The following ALK variants were observed in gnomAD, a reference collection of about 807,000 sequenced individuals.
ALK encodes ALK tyrosine kinase receptor.
ALK carries 74 observed loss-of-function variants against 163.1 expected under a neutral mutation model. The observed-to-expected ratio is 0.45, with a 90% CI of 0.38 to 0.55. The LOEUF is 0.55. ALK is among the 20% of genes least tolerant of loss of function. The pLI, the probability that ALK is intolerant of heterozygous loss-of-function variation, is 0.00. For synonymous variants in ALK, 960 were observed against 843.2 expected (o/e 1.14, Z -2.40); for missense variants, 2,063 against 2,105.3 (o/e 0.98, Z 0.39).
At chr2:29,679,355 C>T (rs1005720922) in intron 3 of ALK, among the ~76,000 whole-genome samples, 1 of 151,684 alleles carries the variant, frequency 6.6e-6, no homozygotes, top group East Asian at 1.9e-4. Context: ...TATCTTTCTT[C>T]CTTTTTTTTC....
At chr2:29,429,435 T>A (rs780749702) in intron 4 of ALK, among the ~76,000 whole-genome samples, 3 of 152,030 alleles carry the variant, frequency 2.0e-5, no homozygotes, top group Non-Finnish European at 4.4e-5. Flanking sequence ...TATATTTCTA[T>A]AAAGTGGCAA....
intron 1 of ALK, among the ~76,000 whole-genome samples, chr2:29,747,857 C>A (rs568293545): frequency 6.6e-6 from 1 of 152,126 alleles, no homozygotes; most frequent in African/African-American, 2.4e-5. Flanking sequence ...TCAAGCTTTC[C>A]CTTCTAAAGT....
At chr2:29,512,471 TA>T (rs1382452647) in intron 4 of ALK, among the ~76,000 whole-genome samples, 3 of 149,172 alleles carry the variant, frequency 2.0e-5, no homozygotes, top group Non-Finnish European at 4.4e-5. Context: ...AAACTCTCAA[TA>T]AATTAGGAAT....
intron 3 of ALK, among the ~76,000 whole-genome samples, chr2:29,648,689 TCACTC>T (rs1676954215): frequency 6.6e-6 from 1 of 152,202 alleles, no homozygotes; most frequent in Non-Finnish European, 1.5e-5. Flanking sequence ...CACTTTCAAT[TCACTC>T]CACTACTTTC....
At chr2:29,348,249 A>T (rs944010008) in intron 5 of ALK, among the ~76,000 whole-genome samples, 3 of 152,170 alleles carry the variant, frequency 2.0e-5, no homozygotes, top group Non-Finnish European at 2.9e-5. Flanking sequence ...ACCCAGCCAG[A>T]TTGTCCCCCA....
chr2:29,701,508 A>C (rs192084039), intron 2 of ALK, among the ~76,000 whole-genome samples: 182 of 152,306 alleles, frequency 1.2e-3, no homozygotes, highest in Middle Eastern at 3.4e-3. Flanking sequence ...GAAGAGTCAT[A>C]AAAAAGAGAA....
chr2:29,607,813 C>T (rs781239461), intron 3 of ALK, among the ~76,000 whole-genome samples: 2 of 152,132 alleles, frequency 1.3e-5, no homozygotes, highest in African/African-American at 2.4e-5. Flanking sequence ...CTCTGGTCAT[C>T]TCATCCTGTC....
intron 3 of ALK, among the ~76,000 whole-genome samples, chr2:29,622,608 A>G (rs538650192): frequency 6.6e-6 from 1 of 152,168 alleles, no homozygotes; most frequent in Admixed American, 6.5e-5. Context: ...TTGAAAAATC[A>G]TAACTTTACA....
At chr2:29,488,033 C>T (rs761546757) in intron 4 of ALK, among the ~76,000 whole-genome samples, 2 of 151,978 alleles carry the variant, frequency 1.3e-5, no homozygotes, top group African/African-American at 2.4e-5. Flanking sequence ...CACATATGCA[C>T]GTGCACACAG....
At position 29,209,810 on chromosome 2, in the gene ALK, A is replaced by T. The variant is rs1348950153; in HGVS notation, c.3812T>A (p.Phe1271Tyr). The change falls in exon 25 of 29, where the codon TTC (phenylalanine) becomes TAC (tyrosine). Residue 1271 changes from phenylalanine to tyrosine, a missense_variant. By Grantham distance (22) the Phe-to-Tyr change is conservative (BLOSUM62 3). This residue lies in a region of ALK where 83 missense variants were observed against 139.7 expected (regional missense o/e 0.59). Transcript: ENST00000389048. ...GPGRVAKIGD[F>Y]GMARDIYRAS... ...CCTGTAGATGTCTCGGGCCATCCCG[A>T]AGTCTCCAATCTTGGCCACTCTTCC... is the stretch of plus-strand genomic sequence containing the variant. 6 of 1,614,014 alleles carry T rather than the reference A, an allele frequency of 3.7e-6. No individual in the cohort carries two copies. Among genetic ancestry groups the T allele is most frequent in the Non-Finnish European group, 5.1e-6 (6 of 1,180,020 alleles).
At chr2:29,374,208 T>C (rs1013810283) in intron 5 of ALK, among the ~76,000 whole-genome samples, 10 of 152,218 alleles carry the variant, frequency 6.6e-5, no homozygotes, top group African/African-American at 2.4e-4. Flanking sequence ...TGCCAAGCAT[T>C]GTGCTAGGAG....
intron 4 of ALK, among the ~76,000 whole-genome samples, chr2:29,494,298 G>C (rs1238798188): frequency 6.6e-6 from 1 of 152,210 alleles, no homozygotes; most frequent in Admixed American, 6.5e-5. Flanking sequence ...GTACTGGTCT[G>C]CTCTGGGTCT....
chr2:29,211,462 C>A (rs1422857214), intron 24 of ALK, among the ~76,000 whole-genome samples: 1 of 152,162 alleles, frequency 6.6e-6, no homozygotes, highest in South Asian at 2.1e-4. Context: ...AAATGCAGTA[C>A]ATAGAATACA....
At chr2:29,403,460 C>A (rs1053591827) in intron 4 of ALK, among the ~76,000 whole-genome samples, 1 of 152,110 alleles carries the variant, frequency 6.6e-6, no homozygotes, top group African/African-American at 2.4e-5. Flanking sequence ...TCTTTTTATT[C>A]TAAGTGAGCC....
intron 5 of ALK, among the ~76,000 whole-genome samples, chr2:29,383,373 A>G (rs1227392604): frequency 6.6e-6 from 1 of 151,758 alleles, no homozygotes; most frequent in Non-Finnish European, 1.5e-5. Flanking sequence ...CTGGAGTGCA[A>G]CGGCACAATC....
intron 11 of ALK, among the ~76,000 whole-genome samples, chr2:29,267,256 C>T (rs1024346493): frequency 2.0e-5 from 3 of 152,152 alleles, no homozygotes; most frequent in Non-Finnish European, 2.9e-5. Context: ...GGCAGTGAAC[C>T]CTTCCCCAGT....
chr2:29,788,504 T>C (rs981093177), intron 1 of ALK, among the ~76,000 whole-genome samples: 6 of 152,108 alleles, frequency 3.9e-5, no homozygotes, highest in Non-Finnish European at 5.9e-5. Flanking sequence ...AGAAGTTATA[T>C]AGGGACTTGG....
intron 9 of ALK, among the ~76,000 whole-genome samples, chr2:29,292,950 T>G (rs528507702): frequency 6.6e-6 from 1 of 152,306 alleles, no homozygotes; most frequent in South Asian, 2.1e-4. Flanking sequence ...TTCTCTCAAG[T>G]GCACAACTCT....
chr2:29,361,963 C>A (rs1252857866), intron 5 of ALK, among the ~76,000 whole-genome samples: 2 of 152,116 alleles, frequency 1.3e-5, no homozygotes, highest in Non-Finnish European at 2.9e-5. Context: ...CCATAGCAGA[C>A]CTCTGACCCT....
Sources: allele counts gnomAD v4.1 joint callset (sites outside exome capture counted in the v4.1 genomes callset), GRCh38; gene constraint gnomAD v4.1.1; regional missense constraint gnomAD v4.1.1; transcripts MANE v1.5; gene names NCBI Gene and HGNC (gene_info 2026-07-23, HGNC 2026-07-21).